The following DDX6 variants were observed in gnomAD, a reference collection of about 807,000 sequenced individuals.
The protein encoded by DDX6 is probable ATP-dependent RNA helicase DDX6.
A neutral mutation model predicts 60.6 loss-of-function variants in DDX6; 7 were observed. The ratio of observed to expected loss-of-function variants is 0.12; its 90% confidence interval spans 0.07 to 0.22. The LOEUF (loss-of-function observed/expected upper bound fraction) is 0.22. Among genes scored for constraint, DDX6 ranks in the 10% least tolerant of loss-of-function variants. DDX6 has a pLI of 1.00. For synonymous variants in DDX6, 207 were observed against 201.0 expected (o/e 1.03, Z -0.25); for missense variants, 270 against 589.9 (o/e 0.46, Z 5.62).
At chr11:118,790,342 C>T (rs1230755473) in intron 1 of DDX6, 1 of 152,100 alleles carries the variant, frequency 6.6e-6, no homozygotes, top group East Asian at 1.9e-4. Flanking sequence ...AGCAACCGCT[C>T]CATTAGTAGC....
At chr11:118,768,104 A>C (rs1565569237) in intron 5 of DDX6, 119 bp downstream of exon 5, 1 of 1,010,920 alleles carries the variant, frequency 9.9e-7, no homozygotes. Context: ...AAACCTGAAA[A>C]GAAAGAATAC....
chr11:118,764,828 A>ACACACACACACACACACACACG (rs1555160989), intron 6 of DDX6, among the ~76,000 whole-genome samples: 1 of 150,076 alleles, frequency 6.7e-6, no homozygotes, highest in East Asian at 2.0e-4. Flanking sequence ...ATATACACAC[A>ACACACACACACACACACACACG]CACACACACA....
At chr11:118,774,745 A>G (rs1861643912) in intron 4 of DDX6, among the ~76,000 whole-genome samples, 2 of 152,144 alleles carry the variant, frequency 1.3e-5, no homozygotes, top group African/African-American at 2.4e-5. Context: ...TCTCACAGCC[A>G]AACTGCAACT....
At chr11:118,780,379 G>A (rs1312364610) in intron 3 of DDX6, among the ~76,000 whole-genome samples, 8 of 152,022 alleles carry the variant, frequency 5.3e-5, no homozygotes, top group African/African-American at 1.7e-4. Flanking sequence ...GTGCAGTGGC[G>A]TGATCTCGGC....
At position 118,757,237 on chromosome 11, in the gene DDX6, T is replaced by C. The variant is rs541533194; in HGVS notation, c.1044A>G (p.Glu348=). ...GTTGAGAAATCTTCTTGGCTAGCAA[T>C]TCAACTCGCTGAGAGGAGTTACAGA... is the stretch of plus-strand genomic sequence containing the variant. ...IIFCNSSQRV[E]LLAKKISQLG... is the part of the protein sequence containing the mutation. Residue 348 remains glutamate (E), a synonymous_variant, in exon 10 of 14, where the codon GAA becomes GAG. Coordinates refer to ENST00000534980, the MANE Select transcript of DDX6 (RefSeq NM_004397.6). The C allele has an allele frequency of 1.7e-5, 27 of 1,588,542 alleles. No individual in the cohort carries two copies. The African/African-American group carries it at 2.2e-4, about 13-fold the overall frequency.
intron 3 of DDX6, among the ~76,000 whole-genome samples, 162 bp from the exon 4 acceptor site, chr11:118,779,898 CT>C (rs1861831655): frequency 2.0e-5 from 3 of 151,930 alleles, no homozygotes; most frequent in Admixed American, 6.6e-5. Context: ...GGCAGATCAC[CT>C]GAGGTCAGAA....
chr11:118,774,212 T>G (rs147636035), intron 4 of DDX6, among the ~76,000 whole-genome samples: 1 of 152,238 alleles, frequency 6.6e-6, no homozygotes, highest in Non-Finnish European at 1.5e-5. Flanking sequence ...AAAGTTAATA[T>G]AAAGTTTCAA....
At chr11:118,790,578 C>G (rs1285482476) in intron 1 of DDX6, among the ~76,000 whole-genome samples, 1 of 152,176 alleles carries the variant, frequency 6.6e-6, no homozygotes, top group Non-Finnish European at 1.5e-5. Context: ...CCTCCACCAT[C>G]ATCCCCCTAA....
At chr11:118,761,041 G>A (rs1452877576) in intron 7 of DDX6, among the ~76,000 whole-genome samples, 1 of 151,986 alleles carries the variant, frequency 6.6e-6, no homozygotes, top group Non-Finnish European at 1.5e-5. Context: ...TCAGGAGGCT[G>A]AGGCAGAAGA....
intron 2 of DDX6, among the ~76,000 whole-genome samples, chr11:118,784,834 T>A (rs1862021367): frequency 6.6e-6 from 1 of 150,868 alleles, no homozygotes; most frequent in African/African-American, 2.4e-5. Context: ...TCACTGCAAC[T>A]CCGCCTCCCG....
Position 118,786,128 on chromosome 11 carries a change from T to A in DDX6, c.124A>T (p.Met42Leu), listed in dbSNP as rs1417326766. Reference sequence around the variant, plus strand: ...GTGTTGGTGTTTTTCAGCTGGTTCATCTGTTGCTGTGTCTGTGTGCCCCCT... The same window carrying A: ...GTGTTGGTGTTTTTCAGCTGGTTCAACTGTTGCTGTGTCTGTGTGCCCCCT... The part of the protein sequence containing the change: ...GGGGTQTQQQ[M>L]NQLKNTNTIN... Residue 42 changes from methionine to leucine, a missense_variant, in exon 2 of 14, where the codon ATG (methionine) becomes TTG (leucine). Physicochemically the swap from Met to Leu is conservative, Grantham distance 15. Transcript: ENST00000534980. 6.2e-7 allele frequency: 1 copy of A among 1,614,014 alleles called. No individual in the cohort carries two copies. The highest frequency in any genetic ancestry group is 2.2e-5 in the East Asian group (1 of 44,886).
chr11:118,779,510 G>GA (rs1861817080), intron 4 of DDX6, 122 bp downstream of exon 4: 1 of 594,724 alleles, frequency 1.7e-6, no homozygotes, highest in South Asian at 2.6e-5. Context: ...AAAAATTTCA[G>GA]AAAAAGTGTG....
At chr11:118,762,169 A>T (rs539406183) in intron 7 of DDX6, among the ~76,000 whole-genome samples, 1 of 152,002 alleles carries the variant, frequency 6.6e-6, no homozygotes, top group African/African-American at 2.4e-5. Context: ...TCAGCTACTC[A>T]GAAGGCTGAG....
chr11:118,753,691 C>T (rs1860863592), intron 13 of DDX6, among the ~76,000 whole-genome samples: 1 of 152,040 alleles, frequency 6.6e-6, no homozygotes, highest in Admixed American at 6.6e-5. Context: ...TAAACATTTG[C>T]TAATAAGGTA....
chr11:118,781,011 G>A, intron 3 of DDX6, 110 bp downstream of exon 3: 1 of 669,150 alleles, frequency 1.5e-6, no homozygotes, highest in Non-Finnish European at 2.7e-6. Flanking sequence ...GGAGGAGGGT[G>A]GCAGTGGTGT....
At chr11:118,778,757 C>T (rs1861786977) in intron 4 of DDX6, among the ~76,000 whole-genome samples, 1 of 152,086 alleles carries the variant, frequency 6.6e-6, no homozygotes, top group African/African-American at 2.4e-5. Flanking sequence ...GGACACTAGG[C>T]ACACCTTCAA....
chr11:118,749,549 C>T lies in DDX6; in HGVS notation c.*2556G>A, dbSNP rs1555156685. 5 of 152,480 alleles carry T rather than the reference C, an allele frequency of 3.3e-5. No homozygotes were observed. 9.4% of individuals were successfully genotyped at this position (152,480 alleles called of 1,614,324 possible). A position where few individuals can be genotyped will look rare whatever the true frequency, so the allele number is the denominator to read the frequency against. Reference sequence around the variant, plus strand: ...AGAGGCTATACTTCAGTAATACTTTCCATTTTAAGTCTGTGCTTTAAGAGG... The same window carrying T: ...AGAGGCTATACTTCAGTAATACTTTTCATTTTAAGTCTGTGCTTTAAGAGG... On this transcript the variant is annotated 3_prime_UTR_variant, in exon 14 of 14. Transcript: ENST00000534980.
intron 6 of DDX6, among the ~76,000 whole-genome samples, chr11:118,764,345 T>C (rs1357516841): frequency 6.6e-6 from 1 of 152,184 alleles, no homozygotes; most frequent in African/African-American, 2.4e-5. Context: ...TACTCTTTAA[T>C]GACTATGTAG....
chr11:118,755,835 G>A (rs1860948145), intron 11 of DDX6, among the ~76,000 whole-genome samples: 1 of 152,106 alleles, frequency 6.6e-6, no homozygotes. Flanking sequence ...CCAACATGGT[G>A]AAATCCCTGT....
Sources: gnomAD v4.1 joint callset for allele counts (sites outside exome capture counted in the v4.1 genomes callset) on GRCh38, gnomAD v4.1.1 for gene constraint, MANE v1.5 for transcripts, NCBI Gene and HGNC (gene_info 2026-07-23, HGNC 2026-07-21) for gene names.